The following LRP2 variants were observed in gnomAD, a reference collection of about 807,000 sequenced individuals.
LRP2 encodes the protein low-density lipoprotein receptor-related protein 2.
LRP2 carries 172 observed loss-of-function variants against 531.0 expected under a neutral mutation model. That is an observed-to-expected ratio of 0.32 (90% CI 0.29 to 0.37). The LOEUF is 0.37. LRP2 is among the 10% of genes least tolerant of loss of function. The pLI is 1.00. For synonymous variants in LRP2, 1,992 were observed against 2,027.6 expected, an observed-to-expected ratio of 0.98 and a Z score of 0.47; for missense variants, 5,167 against 5,868.3, an observed-to-expected ratio of 0.88 and a Z score of 3.90.
chr2:169,262,503 A>C lies in LRP2; in HGVS notation c.2321-3286T>G, dbSNP rs569707737. On this transcript the variant is annotated intron_variant, in intron 16 of 78. Coordinates refer to ENST00000649046, the MANE Select transcript of LRP2 (RefSeq NM_004525.3). Reference sequence around the variant, plus strand: ...GTGAACTCCCATTCACAATTGCTTCAAAGAGAATAAAATACCTAGGAATCC... The same window carrying C: ...GTGAACTCCCATTCACAATTGCTTCCAAGAGAATAAAATACCTAGGAATCC... Among the ~76,000 whole-genome samples the C allele has an allele frequency of 4.8e-5, 7 of 146,658 alleles. No homozygotes were observed. In the East Asian group the frequency reaches 1.0e-3, roughly 21 times the overall value.
chr2:169,248,161 T>C (rs948408776), intron 19 of LRP2, among the ~76,000 whole-genome samples: 13 of 152,092 alleles, frequency 8.5e-5, no homozygotes, highest in Non-Finnish European at 1.8e-4. Context: ...ATGCTCACAA[T>C]GGTAAGAGAG....
chr2:169,176,796 T>C (rs1386584170), intron 53 of LRP2, among the ~76,000 whole-genome samples: 1 of 152,200 alleles, frequency 6.6e-6, no homozygotes, highest in Non-Finnish European at 1.5e-5. Context: ...AGCTCATTTA[T>C]ATGCTACCAG....
intron 45 of LRP2, among the ~76,000 whole-genome samples, chr2:169,198,189 G>T (rs1360131781): frequency 1.3e-5 from 2 of 152,120 alleles, no homozygotes; most frequent in Non-Finnish European, 2.9e-5. Flanking sequence ...TGAGATGGGT[G>T]GATCGCTTGA....
At chr2:169,318,467 C>G (rs1036053090) in intron 3 of LRP2, among the ~76,000 whole-genome samples, 3 of 152,180 alleles carry the variant, frequency 2.0e-5, no homozygotes, top group African/African-American at 4.8e-5. Context: ...TGAAGACACC[C>G]AGCTATACAC....
At chr2:169,141,839 G>A (rs1418875075) in intron 71 of LRP2, among the ~76,000 whole-genome samples, 1 of 152,182 alleles carries the variant, frequency 6.6e-6, no homozygotes, top group African/African-American at 2.4e-5. Context: ...GCAAGAGTAG[G>A]GGAAGAGGGG....
intron 1 of LRP2, among the ~76,000 whole-genome samples, chr2:169,339,664 C>T (rs1380706846): frequency 6.6e-6 from 1 of 152,162 alleles, no homozygotes; most frequent in Non-Finnish European, 1.5e-5. Context: ...TTTATTGAAT[C>T]ACTGAGTTGT....
Position 169,191,654 on chromosome 2 carries a change from T to C in LRP2, c.9032+178A>G, listed in dbSNP as rs190045569. ...ATTAATATTATATATTAAAATACTT[T>C]CTTTGATGTAAAAGTTTTTTTTCCC... is the stretch of plus-strand genomic sequence containing the variant. On this transcript the variant is annotated intron_variant, in intron 48 of 78. Transcript: ENST00000649046. 2.5e-3 allele frequency among the ~76,000 whole-genome samples: 377 copies of C among 152,276 alleles called. 2 individuals carry two copies. Among genetic ancestry groups the C allele is most frequent in the Admixed American group, 0.016 (247 of 15,292 alleles).
At chr2:169,355,434 A>G (rs927386136) in intron 1 of LRP2, among the ~76,000 whole-genome samples, 21 of 152,118 alleles carry the variant, frequency 1.4e-4, no homozygotes, top group Admixed American at 3.9e-4. Context: ...TTCTCCCAAT[A>G]ATTACCCCCA....
At chr2:169,155,118 C>T (rs1010658950) in intron 65 of LRP2, among the ~76,000 whole-genome samples, 1 of 152,178 alleles carries the variant, frequency 6.6e-6, no homozygotes, top group African/African-American at 2.4e-5. Context: ...ATAAACCTAG[C>T]TTGTCCTTGA....
chr2:169,274,837 T>G (rs76949912), intron 14 of LRP2, among the ~76,000 whole-genome samples, 199 bp downstream of exon 14: 1 of 152,184 alleles, frequency 6.6e-6, no homozygotes, highest in African/African-American at 2.4e-5. Context: ...CATTTAACTG[T>G]GAAATACATC....
intron 10 of LRP2, among the ~76,000 whole-genome samples, chr2:169,282,336 T>C (rs1251954453): frequency 2.0e-5 from 3 of 152,230 alleles, no homozygotes; most frequent in African/African-American, 7.2e-5. Flanking sequence ...ATTTTCTCCA[T>C]GACTTTTCTC....
At chr2:169,174,713 T>C (rs527245876) in intron 55 of LRP2, among the ~76,000 whole-genome samples, 1 of 152,048 alleles carries the variant, frequency 6.6e-6, no homozygotes, top group South Asian at 2.1e-4. Context: ...TTTTGCCATG[T>C]TGCCTAGGCT....
intron 51 of LRP2, 93 bp downstream of exon 51, chr2:169,182,074 T>A: frequency 3.3e-6 from 5 of 1,516,654 alleles, no homozygotes; most frequent in Non-Finnish European, 4.6e-6. Flanking sequence ...CAGCAAGACA[T>A]TGGCCTTGAG....
At chr2:169,280,641 T>A in intron 10 of LRP2, 122 bp from the exon 11 acceptor site, 1 of 994,608 alleles carries the variant, frequency 1.0e-6, no homozygotes, top group Non-Finnish European at 1.5e-6. Context: ...TACCTGATTT[T>A]AACATAAACC....
In LRP2 at chr2:169,206,177, C is replaced by T; in HGVS notation, c.7402G>A (p.Ala2468Thr). Residue 2468 changes from alanine to threonine, a missense_variant, in exon 40 of 79, where the codon GCT becomes ACT. This residue lies in a region of LRP2 where 1,129 missense variants were observed against 1,362.7 expected (regional missense o/e 0.83). Transcript: ENST00000649046. ...ATCCAGTCAAAGGCAATGCCATCAG[C>T]AGTCCCTATACCTGGACACATACAG... Reference protein sequence around the residue: ...PTVIASGIGTADGIAFDWITR... With the variant: ...PTVIASGIGTTDGIAFDWITR... 6.2e-7 allele frequency: 1 copy of T among 1,614,212 alleles called. No individual in the cohort carries two copies. The highest frequency in any genetic ancestry group is 1.1e-5 in the South Asian group (1 of 91,080).
At position 169,256,439 on chromosome 2, in the gene LRP2, A is replaced by G. The variant is rs976463726; in HGVS notation, c.2640-203T>C. Among the ~76,000 whole-genome samples the G allele has an allele frequency of 1.4e-5, 2 of 143,184 alleles. 1 individual carries two copies. Among genetic ancestry groups the G allele is most frequent in the South Asian group, 4.3e-4 (2 of 4,674 alleles). The allele number at this position is 143,184 out of a possible 152,430, so 93.9% of individuals were successfully genotyped here. On this transcript the variant is annotated intron_variant, in intron 18 of 78. Transcript: ENST00000649046. Reference sequence around the variant, plus strand: ...CTTTTCATGAAGTGGCTTTCAATCAATTGTCTTAGAAAACTTAAAATGTTG... The same window carrying G: ...CTTTTCATGAAGTGGCTTTCAATCAGTTGTCTTAGAAAACTTAAAATGTTG...
At chr2:169,352,250 A>T (rs1051476999) in intron 1 of LRP2, among the ~76,000 whole-genome samples, 5 of 152,154 alleles carry the variant, frequency 3.3e-5, no homozygotes, top group Non-Finnish European at 7.3e-5. Flanking sequence ...CAAAACATAC[A>T]ATTAAGACAC....
chr2:169,211,521 T>G (rs987968892), intron 37 of LRP2, among the ~76,000 whole-genome samples: 1 of 152,216 alleles, frequency 6.6e-6, no homozygotes, highest in Non-Finnish European at 1.5e-5. Context: ...CCATATTAAA[T>G]AGTAGTATAC....
chr2:169,160,685 A>AAAAAAAAAAAACAAAAAAAAAAC (rs970862922), intron 63 of LRP2, among the ~76,000 whole-genome samples: 18 of 94,282 alleles, frequency 1.9e-4, no homozygotes, highest in South Asian at 1.1e-3. Context: ...ATTTCCTTAA[A>AAAAAAAAAAAACAAAAAAAAAAC]AAAAAAAAAA....
Sources: gnomAD v4.1 joint callset for allele counts (sites outside exome capture counted in the v4.1 genomes callset) on GRCh38, gnomAD v4.1.1 for gene constraint, gnomAD v4.1.1 regional missense constraint, MANE v1.5 for transcripts, NCBI Gene and HGNC (gene_info 2026-07-23, HGNC 2026-07-21) for gene names.